Variants in SAMD3 observed in about 807,000 individuals in gnomAD.
The protein encoded by SAMD3 is sterile alpha motif domain-containing protein 3.
Under a neutral mutation model 58.5 loss-of-function variants are expected in SAMD3, and 63 were observed. The observed-to-expected ratio is 1.08, with a 90% confidence interval of 0.88 to 1.33. SAMD3 has a LOEUF of 1.33. SAMD3 is among the 40% of genes most tolerant of loss of function. SAMD3 has a pLI of 0.00. For missense variants in SAMD3, 604 were observed against 608.4 expected, an observed-to-expected ratio of 0.99 and a Z score of 0.08; for synonymous variants, 220 against 210.3, an observed-to-expected ratio of 1.05 and a Z score of -0.40.
intron 2 of SAMD3, among the ~76,000 whole-genome samples, chr6:130,280,191 C>T (rs553604212): frequency 6.6e-6 from 1 of 152,270 alleles, no homozygotes; most frequent in East Asian, 1.9e-4. Flanking sequence ...CTTTGTTTTC[C>T]TATTTACTGA....
chr6:130,305,740 T>G (rs1562511039), intron 2 of SAMD3, among the ~76,000 whole-genome samples: 1 of 152,242 alleles, frequency 6.6e-6, no homozygotes. Context: ...CCTTGAAATC[T>G]TGGAATAAAT....
At chr6:130,202,206 C>T (rs1315426265) in intron 5 of SAMD3, among the ~76,000 whole-genome samples, 1 of 152,112 alleles carries the variant, frequency 6.6e-6, no homozygotes. Context: ...CATTAGGGTC[C>T]CTGCTCTAAT....
rs1427481135 is a variant in SAMD3 at position 130,207,976 on chromosome 6, G to A, written c.383+1519C>T. On this transcript the variant is annotated intron_variant, in intron 5 of 11. Transcript: ENST00000439090. The stretch of plus-strand genomic sequence containing the variant: ...GCCTTGCAGGCCTGAATCCAAGGCT[G>A]TTGCCCTCAGTCCCCTGAGCTCTCA... Among the ~76,000 whole-genome samples the A allele has an allele frequency of 2.0e-5, 3 of 152,248 alleles. No homozygotes were observed. In the East Asian group the frequency reaches 5.8e-4, roughly 29 times the overall value.
chr6:130,238,797 C>T (rs1328149846), intron 2 of SAMD3, among the ~76,000 whole-genome samples: 4 of 152,246 alleles, frequency 2.6e-5, no homozygotes, highest in East Asian at 1.9e-4. Flanking sequence ...CTCACTCTGT[C>T]GCCCAGGCTG....
intron 9 of SAMD3, among the ~76,000 whole-genome samples, chr6:130,147,747 C>A (rs973981530): frequency 2.6e-5 from 4 of 152,196 alleles, no homozygotes; most frequent in Non-Finnish European, 5.9e-5. Flanking sequence ...GGCCCAGGAT[C>A]TAATCCAGGA....
intron 8 of SAMD3, among the ~76,000 whole-genome samples, chr6:130,158,402 G>A (rs1166858800): frequency 6.6e-6 from 1 of 151,952 alleles, no homozygotes; most frequent in Non-Finnish European, 1.5e-5. Flanking sequence ...CAGAGCCATG[G>A]AAACAACAGA....
intron 5 of SAMD3, among the ~76,000 whole-genome samples, chr6:130,201,855 C>A (rs894746297): frequency 2.3e-4 from 35 of 152,220 alleles, no homozygotes; most frequent in African/African-American, 8.2e-4. Flanking sequence ...AGGCCTTCGC[C>A]ACGCTTACTT....
intron 1 of SAMD3, among the ~76,000 whole-genome samples, chr6:130,352,758 G>A (rs2115037723): frequency 6.6e-6 from 1 of 152,244 alleles, no homozygotes; most frequent in East Asian, 1.9e-4. Flanking sequence ...GAACAGCAAA[G>A]AAAACATATA....
chr6:130,291,216 A>G (rs541551629), intron 2 of SAMD3, among the ~76,000 whole-genome samples: 2 of 152,158 alleles, frequency 1.3e-5, no homozygotes, highest in East Asian at 3.9e-4. Context: ...TCAGCCTCCC[A>G]AGTAGCAGGG....
At chr6:130,160,148 A>T (rs374309434) in intron 8 of SAMD3, 1 of 152,254 alleles carries the variant, frequency 6.6e-6, no homozygotes, top group Admixed American at 6.5e-5. Flanking sequence ...CTTGAAAAAA[A>T]TCTTCACATA....
intron 1 of SAMD3, among the ~76,000 whole-genome samples, chr6:130,353,274 C>T (rs144031050): frequency 9.2e-5 from 14 of 152,166 alleles, no homozygotes; most frequent in African/African-American, 3.4e-4. Context: ...TTTGCATTAC[C>T]ATAAATAAAA....
intron 2 of SAMD3, among the ~76,000 whole-genome samples, chr6:130,251,638 G>T (rs1773741691): frequency 6.6e-6 from 1 of 152,136 alleles, no homozygotes; most frequent in Non-Finnish European, 1.5e-5. Flanking sequence ...TTATTTCCCT[G>T]ATTGAATGGG....
chr6:130,283,401 A>G (rs1480993722), intron 2 of SAMD3, among the ~76,000 whole-genome samples: 1 of 152,230 alleles, frequency 6.6e-6, no homozygotes, highest in African/African-American at 2.4e-5. Context: ...AGGCAACATT[A>G]TAAGTCATGA....
intron 1 of SAMD3, among the ~76,000 whole-genome samples, chr6:130,338,193 G>T (rs898244799): frequency 6.6e-6 from 1 of 152,218 alleles, no homozygotes; most frequent in African/African-American, 2.4e-5. Context: ...TTGGACCATT[G>T]CTTCAGAGGG....
upstream of SAMD3, among the ~76,000 whole-genome samples, chr6:130,227,425 G>A (rs543817223): frequency 1.1e-4 from 16 of 152,084 alleles, no homozygotes; most frequent in Non-Finnish European, 1.9e-4. Flanking sequence ...ACGCTGATAC[G>A]AACACAGGGG....
chr6:130,344,503 T>A, intron 1 of SAMD3, among the ~76,000 whole-genome samples: 1 of 152,124 alleles, frequency 6.6e-6, no homozygotes, highest in East Asian at 1.9e-4. Context: ...TGCCTCAGCC[T>A]CCTGAGCAGC....
chr6:130,145,383 A>G lies in SAMD3; in HGVS notation c.1235T>C (p.Val412Ala). Residue 412 changes from valine (V) to alanine (A), a missense_variant, in exon 11 of 12, where the codon GTT becomes GCT. Coordinates refer to ENST00000439090, the MANE Select transcript of SAMD3 (RefSeq NM_001017373.4). ...AAAAAGGCTGGGATCATCCCCAAAAACATCTGGGAGGAGTAAACATGTGGC... is the reference window on the plus strand; with the variant it reads ...AAAAAGGCTGGGATCATCCCCAAAAGCATCTGGGAGGAGTAAACATGTGGC... ...MTATCLLLPD[V>A]FGDDPSLFVI... 6.2e-7 allele frequency: 1 copy of G among 1,611,698 alleles called. No homozygotes were observed. Among genetic ancestry groups the G allele is most frequent in the Non-Finnish European group, 8.5e-7 (1 of 1,178,372 alleles).
intron 2 of SAMD3, among the ~76,000 whole-genome samples, chr6:130,256,347 T>A (rs1366622953): frequency 6.6e-6 from 1 of 152,168 alleles, no homozygotes; most frequent in Admixed American, 6.5e-5. Context: ...ATGCCCTTTC[T>A]ATTGGAATCT....
intron 1 of SAMD3, among the ~76,000 whole-genome samples, chr6:130,322,589 T>G (rs538361689): frequency 6.6e-6 from 1 of 152,092 alleles, no homozygotes; most frequent in Non-Finnish European, 1.5e-5. Context: ...TGAGCCGAGA[T>G]TGCACCACTG....
Sources: allele counts gnomAD v4.1 joint callset (sites outside exome capture counted in the v4.1 genomes callset), GRCh38; gene constraint gnomAD v4.1.1; transcripts MANE v1.5; gene names NCBI Gene and HGNC (gene_info 2026-07-23, HGNC 2026-07-21).